The following HAS1 variants were observed in gnomAD, a reference collection of about 807,000 sequenced individuals.
HAS1 encodes hyaluronan synthase 1.
A neutral mutation model predicts 35.0 loss-of-function variants in HAS1; 27 were observed. The observed-to-expected ratio is 0.77, with a 90% CI of 0.57 to 1.06. HAS1 has a LOEUF of 1.06. HAS1 is among the 50% of genes least tolerant of loss of function. The pLI, the probability that HAS1 is intolerant of heterozygous loss-of-function variation, is 0.00. For missense variants in HAS1, 940 were observed against 814.8 expected, an observed-to-expected ratio of 1.15 and a Z score of -1.87; for synonymous variants, 409 against 371.2, an observed-to-expected ratio of 1.10 and a Z score of -1.17.
intron 1 of HAS1, among the ~76,000 whole-genome samples, chr19:51,720,304 G>A (rs989500460): frequency 1.3e-5 from 2 of 151,542 alleles, no homozygotes; most frequent in African/African-American, 4.9e-5. Context: ...TGGTAGAGCC[G>A]GGGGTCTCCC....
At chr19:51,717,258 G>A in intron 2 of HAS1, 65 bp from the exon 3 acceptor site, 1 of 1,106,180 alleles carries the variant, frequency 9.0e-7, no homozygotes, top group Non-Finnish European at 1.4e-6. Flanking sequence ...TGAGAGGAAG[G>A]CATCAAGGGG....
chr19:51,721,536 G>GGGAGGC (rs1321693073), intron 1 of HAS1, among the ~76,000 whole-genome samples: 2 of 152,266 alleles, frequency 1.3e-5, no homozygotes, highest in Non-Finnish European at 2.9e-5. Context: ...CCAGCACTTT[G>GGGAGGC]GGAGGCGGAG....
Position 51,719,558 on chromosome 19 carries a change from G to GACGCCAGGCACTGGCGCAGGTAC in HAS1, c.324_346dup (p.Ser116CysfsTer92). The GACGCCAGGCACTGGCGCAGGTAC allele has an allele frequency of 6.5e-7, 1 of 1,545,964 alleles. No individual in the cohort carries two copies. The highest frequency in any genetic ancestry group is 8.7e-7 in the Non-Finnish European group (1 of 1,144,984). ...GCGCGGGTACAGCAGGGCGCGGGCG[G>GACGCCAGGCACTGGCGCAGGTAC]ACGCCAGGCACTGGCGCAGGTACGC... is the stretch of plus-strand genomic sequence containing the variant. On this transcript the variant is annotated frameshift_variant, in exon 2 of 5. Transcript: ENST00000540069. LOFTEE classifies it high-confidence loss of function.
chr19:51,713,537 C>T lies in HAS1; in HGVS notation c.1624G>A (p.Ala542Thr), dbSNP rs1026932420. 2.5e-6 allele frequency: 4 copies of T among 1,592,942 alleles called. No individual in the cohort carries two copies. Among genetic ancestry groups the T allele is most frequent in the East Asian group, 2.3e-5 (1 of 43,674 alleles). The change falls in exon 5 of 5, where the codon GCG becomes ACG. Residue 542 changes from alanine (A) to threonine (T), a missense_variant. Physicochemically the swap from Ala to Thr is moderately conservative, Grantham distance 58 (BLOSUM62 0). Coordinates refer to ENST00000540069, the MANE Select transcript of HAS1 (RefSeq NM_001297436.2). The surrounding 1 kb of genome is among the most constrained non-coding windows in gnomAD (Gnocchi z 4.5). ...SRAAEAYHLA[A>T]GAGAYVGYWV... ...TAGCCCACGTAGGCGCCGGCCCCCGCGGCCAAGTGGTAGGCCTCGGCTGCG... is the reference window on the plus strand; with the variant it reads ...TAGCCCACGTAGGCGCCGGCCCCCGTGGCCAAGTGGTAGGCCTCGGCTGCG...
intron 1 of HAS1, among the ~76,000 whole-genome samples, chr19:51,721,643 G>A (rs369708700): frequency 2.0e-5 from 3 of 152,104 alleles, no homozygotes; most frequent in East Asian, 3.9e-4. Context: ...GCGCACGACT[G>A]TAGTCTCAGC....
At chr19:51,714,165 G>A in intron 4 of HAS1, 63 bp from the exon 5 acceptor site, 1 of 1,561,156 alleles carries the variant, frequency 6.4e-7, no homozygotes, top group Non-Finnish European at 8.7e-7. Flanking sequence ...CAGGATTCTG[G>A]AGGCAGAAAT....
intron 1 of HAS1, among the ~76,000 whole-genome samples, chr19:51,720,343 T>C (rs10409718): frequency 0.012 from 1,851 of 152,160 alleles, 32 homozygotes; most frequent in African/African-American, 0.041. Context: ...CTGGAACCCC[T>C]GGGCTCAAGT....
At chr19:51,716,544 C>G (rs1355114229) in intron 3 of HAS1, among the ~76,000 whole-genome samples, 156 bp from the exon 4 acceptor site, 1 of 152,036 alleles carries the variant, frequency 6.6e-6, no homozygotes, top group East Asian at 1.9e-4. Flanking sequence ...ATCTCCAGCC[C>G]GAATCCTGTC....
Position 51,719,229 on chromosome 19 carries a change from C to T in HAS1, c.676G>A (p.Gly226Arg), listed in dbSNP as rs550695209. 2.1e-4 allele frequency: 328 copies of T among 1,574,936 alleles called. 4 individuals carry two copies. In the South Asian group the frequency reaches 3.2e-3, roughly 15 times the overall value. ...EVMYTAFKAL[G>R]DSVDYVQVCD... ...ACCTGCACGTAGTCCACCGAATCTC[C>T]GAGCGCCTTGAAGGCTGTGTACATG... Residue 226 changes from glycine to arginine, a missense_variant, in exon 2 of 5, where the codon GGA becomes AGA. Physicochemically the swap from Gly to Arg is moderately radical, Grantham distance 125 (BLOSUM62 -2). Coordinates refer to ENST00000540069, the MANE Select transcript of HAS1 (RefSeq NM_001297436.2).
intron 1 of HAS1, among the ~76,000 whole-genome samples, chr19:51,722,208 C>G (rs1476869241): frequency 6.6e-6 from 1 of 152,032 alleles, no homozygotes; most frequent in Non-Finnish European, 1.5e-5. Context: ...CCAGTATCAC[C>G]GAGGAACTGA....
intron 2 of HAS1, among the ~76,000 whole-genome samples, chr19:51,717,736 C>G (rs968947655): frequency 3.9e-5 from 6 of 152,150 alleles, no homozygotes; most frequent in Non-Finnish European, 7.4e-5. Context: ...AATACATACG[C>G]TTGAAAGATA....
chr19:51,716,929 AC>A lies in HAS1; in HGVS notation c.925+38del, dbSNP rs761795749. The A allele has an allele frequency of 3.2e-5, 45 of 1,385,812 alleles. No homozygotes were observed. The Admixed American group carries it at 7.2e-4, about 22-fold the overall frequency. 85.8% of individuals were successfully genotyped at this position (1,385,812 alleles called of 1,614,324 possible). A position where few individuals can be genotyped will look rare whatever the true frequency, so the allele number is the denominator to read the frequency against. ...CATCCGGCTTCCCTTCTCCCTTTCC[AC>A]CCCATCCACAGCCCTCCCAATCTCT... On this transcript the variant is annotated intron_variant, in intron 3 of 4. Transcript: ENST00000540069.
Position 51,714,038 on chromosome 19 carries a change from G to T in HAS1, c.1123C>A (p.Gln375Lys). Residue 375 changes from glutamine (Q) to lysine (K), a missense_variant, in exon 5 of 5, where the codon CAG becomes AAG. Coordinates refer to ENST00000540069, the MANE Select transcript of HAS1 (RefSeq NM_001297436.2). ...PSSFLRWLSQQTRWSKSYFRE... is the reference protein window; with the variant it reads ...PSSFLRWLSQKTRWSKSYFRE... ...AAGTACGACTTGGACCAGCGTGTCTGCTGGCTCAGCCACCGCAGGAAGGAC... is the reference window on the plus strand; with the variant it reads ...AAGTACGACTTGGACCAGCGTGTCTTCTGGCTCAGCCACCGCAGGAAGGAC... 3 of 1,613,872 alleles carry T rather than the reference G, an allele frequency of 1.9e-6. No individual in the cohort carries two copies. The highest frequency in any genetic ancestry group is 1.7e-5 in the Admixed American group (1 of 59,994).
chr19:51,717,428 G>C (rs1222056644), intron 2 of HAS1, among the ~76,000 whole-genome samples: 1 of 152,174 alleles, frequency 6.6e-6, no homozygotes, highest in Non-Finnish European at 1.5e-5. Flanking sequence ...TGGTGTGTGA[G>C]TGAGACCCCT....
At chr19:51,715,190 G>T (rs1599791406) in intron 4 of HAS1, among the ~76,000 whole-genome samples, 1 of 152,232 alleles carries the variant, frequency 6.6e-6, no homozygotes, top group East Asian at 1.9e-4. Context: ...TTTGTAGTCT[G>T]TACCCAAAAC....
At chr19:51,716,138 T>G in intron 4 of HAS1, 118 bp downstream of exon 4, 1 of 911,710 alleles carries the variant, frequency 1.1e-6, no homozygotes, top group Non-Finnish European at 1.7e-6. Flanking sequence ...AAAGTCTCAC[T>G]TGATAGAGCC....
Position 51,713,467 on chromosome 19 carries a change from A to G in HAS1, c.1694T>C (p.Leu565Pro). 6.4e-7 allele frequency: 1 copy of G among 1,559,662 alleles called. No homozygotes were observed. Residue 565 changes from leucine (L) to proline (P), a missense_variant, in exon 5 of 5, where the codon CTT becomes CCT. Coordinates refer to ENST00000540069, the MANE Select transcript of HAS1 (RefSeq NM_001297436.2). This position sits in a 1 kb window ranked among gnomAD's most constrained non-coding sequence, Gnocchi z 4.5. ...GTAGCCCCCGGTCCGCCGCCGGCAA[A>G]GCCTCCGCACGCCCACCCAGTACAG... is the stretch of plus-strand genomic sequence containing the variant. ...LTLYWVGVRR[L>P]CRRRTGGYRV... is the part of the protein sequence containing the mutation.
intron 1 of HAS1, 36 bp downstream of exon 1, chr19:51,723,889 A>ACACG (rs2083647730): frequency 7.5e-7 from 1 of 1,334,478 alleles, no homozygotes; most frequent in Non-Finnish European, 1.0e-6. Flanking sequence ...CTGTATACAC[A>ACACG]CACACACACA....
In HAS1 at chr19:51,719,283, C is replaced by T; in HGVS notation, c.622G>A (p.Ala208Thr). The change falls in exon 2 of 5, where the codon GCG (alanine) becomes ACG (threonine). Residue 208 changes from alanine to threonine, a missense_variant. Coordinates refer to ENST00000540069, the MANE Select transcript of HAS1 (RefSeq NM_001297436.2). ...LVRTRRCVCVAQRWGGKREVM... is the reference protein window; with the variant it reads ...LVRTRRCVCVTQRWGGKREVM... ...TCGCGCTTGCCGCCCCAGCGCTGCG[C>T]CACGCACACGCACCTGCGAGTCCTC... is the stretch of plus-strand genomic sequence containing the variant. 1 of 1,611,754 alleles carries T rather than the reference C, an allele frequency of 6.2e-7. No homozygotes were observed. Among genetic ancestry groups the T allele is most frequent in the Non-Finnish European group, 8.5e-7 (1 of 1,179,194 alleles).
Sources: gnomAD v4.1 joint callset for allele counts (sites outside exome capture counted in the v4.1 genomes callset) on GRCh38, gnomAD v4.1.1 for gene constraint, Gnocchi (gnomAD v3.1) non-coding constraint, MANE v1.5 for transcripts, NCBI Gene and HGNC (gene_info 2026-07-23, HGNC 2026-07-21) for gene names.